Variants in SAMD12 observed in about 807,000 individuals in gnomAD.
The protein encoded by SAMD12 is sterile alpha motif domain containing 12.
Under a neutral mutation model 15.0 loss-of-function variants are expected in SAMD12, and 9 were observed. The ratio of observed to expected loss-of-function variants is 0.60; its 90% confidence interval spans 0.36 to 1.05. The LOEUF (loss-of-function observed/expected upper bound fraction) is 1.05. Ranked by LOEUF, SAMD12 falls within the 50% of genes least tolerant of loss-of-function variation. SAMD12 has a pLI of 0.01. For missense variants in SAMD12, 230 were observed against 234.2 expected (o/e 0.98, Z 0.12); for synonymous variants, 86 against 90.1 (o/e 0.96, Z 0.25).
chr8:118,601,709 G>A (rs181240405), intron 1 of SAMD12, among the ~76,000 whole-genome samples: 1 of 152,314 alleles, frequency 6.6e-6, no homozygotes, highest in Admixed American at 6.5e-5. Flanking sequence ...AAATGGCCAT[G>A]CCAATAGCTG....
chr8:118,358,948 G>GA (rs1284872914), intron 4 of SAMD12, among the ~76,000 whole-genome samples: 1 of 151,960 alleles, frequency 6.6e-6, no homozygotes, highest in Admixed American at 6.6e-5. Flanking sequence ...AGTCTTTAAA[G>GA]AAAACACTTA....
chr8:118,587,160 T>TC (rs1421002687), intron 1 of SAMD12, among the ~76,000 whole-genome samples: 26 of 152,348 alleles, frequency 1.7e-4, no homozygotes, highest in African/African-American at 6.0e-4. Context: ...GTTATTAGAA[T>TC]TGAGATAGGT....
intron 2 of SAMD12, among the ~76,000 whole-genome samples, chr8:118,500,686 G>C (rs1824759134): frequency 6.6e-6 from 1 of 151,988 alleles, no homozygotes; most frequent in Non-Finnish European, 1.5e-5. Context: ...GGTGCCTGTA[G>C]TCCCAGCTTC....
chr8:118,566,061 T>A (rs1398898672), intron 2 of SAMD12, among the ~76,000 whole-genome samples: 4 of 152,200 alleles, frequency 2.6e-5, no homozygotes, highest in African/African-American at 9.6e-5. Flanking sequence ...GTCTTCTCTT[T>A]ATAAGTCCCT....
At chr8:118,554,927 TAGAA>T (rs1257662273) in intron 2 of SAMD12, among the ~76,000 whole-genome samples, 1 of 152,132 alleles carries the variant, frequency 6.6e-6, no homozygotes, top group Admixed American at 6.5e-5. Context: ...AGTCTTTCAA[TAGAA>T]AGACAGATTT....
chr8:118,389,986 GT>G (rs1483660547), intron 3 of SAMD12, among the ~76,000 whole-genome samples: 3 of 151,958 alleles, frequency 2.0e-5, no homozygotes, highest in Non-Finnish European at 4.4e-5. Context: ...GTCATAGTTG[GT>G]TTACAAGTTG....
intron 4 of SAMD12, among the ~76,000 whole-genome samples, chr8:118,370,084 A>T (rs1440946833): frequency 6.6e-6 from 1 of 152,170 alleles, no homozygotes; most frequent in African/African-American, 2.4e-5. Flanking sequence ...AAACAAACTT[A>T]CAAGAAGAAA....
At chr8:118,360,703 G>C (rs1036476276) in intron 4 of SAMD12, among the ~76,000 whole-genome samples, 3 of 152,204 alleles carry the variant, frequency 2.0e-5, no homozygotes, top group Non-Finnish European at 4.4e-5. Context: ...CACATTTATG[G>C]TTGTGAGATG....
rs369222580 is a variant in SAMD12, at chr8:118,408,087, CTCT to C, written c.323-28390_323-28388del. 1.2e-4 allele frequency among the ~76,000 whole-genome samples: 19 copies of C among 152,242 alleles called. 1 individual carries two copies. Among genetic ancestry groups the C allele is most frequent in the African/African-American group, 4.6e-4 (19 of 41,528 alleles). On this transcript the variant is annotated intron_variant, in intron 3 of 3. Coordinates refer to ENST00000314727, the MANE Select transcript of SAMD12 (RefSeq NM_207506.3). ...TACACACTCAAGTTCCCTGTACCTC[CTCT>C]TTACCCAAGTTTATACACTTCCTCC...
At chr8:118,538,562 C>A (rs1363589250) in intron 2 of SAMD12, among the ~76,000 whole-genome samples, 1 of 152,176 alleles carries the variant, frequency 6.6e-6, no homozygotes, top group Non-Finnish European at 1.5e-5. Flanking sequence ...TAAAGTCCCA[C>A]AATCACTGTG....
At chr8:118,346,752 C>T (rs983666686) in intron 4 of SAMD12, among the ~76,000 whole-genome samples, 9 of 152,176 alleles carry the variant, frequency 5.9e-5, no homozygotes, top group African/African-American at 1.9e-4. Flanking sequence ...GAAAAGGCAC[C>T]TGGGACAGAG....
chr8:118,234,710 CAAAAAAAA>C (rs10647591), intron 4 of SAMD12, among the ~76,000 whole-genome samples: 1 of 105,632 alleles, frequency 9.5e-6, no homozygotes, highest in East Asian at 3.1e-4. Context: ...GACTCCATCT[CAAAAAAAA>C]AAAAAAAAAA....
intron 1 of SAMD12, among the ~76,000 whole-genome samples, chr8:118,589,000 G>C (rs1827516540): frequency 6.6e-6 from 1 of 152,096 alleles, no homozygotes; most frequent in Non-Finnish European, 1.5e-5. Context: ...AAAAACAGGG[G>C]TAAAATATAA....
rs1299342382 is a variant in SAMD12 at position 118,281,561 on chromosome 8, AC to A, written c.434-83830del. On this transcript the variant is annotated intron_variant, in intron 4 of 4. Transcript: ENST00000409003. ...GTCTGCTGACATTTGGCATAAAGTG[AC>A]AATCCCTAGACCAGAAAGTAGTAGT... Among the ~76,000 whole-genome samples the A allele has an allele frequency of 6.6e-5, 10 of 152,238 alleles. 1 individual carries two copies. Among genetic ancestry groups the A allele is most frequent in the Non-Finnish European group, 1.5e-4 (10 of 68,040 alleles).
At chr8:118,443,948 A>G (rs756029017) in intron 2 of SAMD12, among the ~76,000 whole-genome samples, 4 of 152,174 alleles carry the variant, frequency 2.6e-5, no homozygotes, top group African/African-American at 9.6e-5. Context: ...TGAATTCAAC[A>G]TATTTTCCCA....
intron 2 of SAMD12, among the ~76,000 whole-genome samples, chr8:118,571,703 T>C (rs376366705): frequency 9.4e-4 from 143 of 152,310 alleles, no homozygotes; most frequent in African/African-American, 3.3e-3. Context: ...CCATTTGGTT[T>C]AGAGCCTGCC....
chr8:118,483,002 A>G (rs1824171033), intron 2 of SAMD12, among the ~76,000 whole-genome samples: 1 of 152,220 alleles, frequency 6.6e-6, no homozygotes. Flanking sequence ...GCAGTGCTGC[A>G]AAGTATTTTT....
chr8:118,163,791 A>C, the SAMD12 span, among the ~76,000 whole-genome samples: 47 of 152,044 alleles, frequency 3.1e-4, 1 homozygote, highest in Middle Eastern at 3.4e-3. Context: ...GGGAGAATGG[A>C]GTGAACCCTG....
intron 2 of SAMD12, among the ~76,000 whole-genome samples, chr8:118,549,766 G>C (rs1335670308): frequency 6.6e-6 from 1 of 152,154 alleles, no homozygotes; most frequent in African/African-American, 2.4e-5. Context: ...AGGTAAAGAA[G>C]TTAAAAACTT....
Sources: gnomAD v4.1 joint callset for allele counts (sites outside exome capture counted in the v4.1 genomes callset) on GRCh38, gnomAD v4.1.1 for gene constraint, MANE v1.5 for transcripts, NCBI Gene and HGNC (gene_info 2026-07-23, HGNC 2026-07-21) for gene names.